RUNDC3B: variants seen among roughly 807,000 people sequenced by gnomAD.
RUNDC3B encodes the protein RUN domain-containing protein 3B.
A neutral mutation model predicts 58.4 loss-of-function variants in RUNDC3B; 33 were observed. The observed-to-expected ratio is 0.56, with a 90% CI of 0.43 to 0.75. RUNDC3B has a LOEUF of 0.75. RUNDC3B is among the 30% of genes least tolerant of loss of function. The pLI is 0.00. For synonymous variants in RUNDC3B, 193 were observed against 195.2 expected (o/e 0.99, Z 0.10); for missense variants, 501 against 535.7 (o/e 0.94, Z 0.64).
chr7:87,732,377 C>T (rs1010851481), intron 4 of RUNDC3B, among the ~76,000 whole-genome samples: 3 of 151,938 alleles, frequency 2.0e-5, no homozygotes, highest in Non-Finnish European at 2.9e-5. Flanking sequence ...AACCCAAAAT[C>T]AGTAAAGGAA....
At chr7:87,788,460 A>G (rs1022329058) in intron 8 of RUNDC3B, among the ~76,000 whole-genome samples, 6 of 152,206 alleles carry the variant, frequency 3.9e-5, no homozygotes, top group African/African-American at 1.4e-4. Flanking sequence ...ATTAGTAATA[A>G]TAGTATAATT....
intron 7 of RUNDC3B, among the ~76,000 whole-genome samples, chr7:87,771,812 AGTAAACAAATAAATTTG>A (rs879637477): frequency 6.6e-6 from 1 of 152,258 alleles, no homozygotes; most frequent in Non-Finnish European, 1.5e-5. Context: ...AAAATGGCAG[AGTAAACAAATAAATTTG>A]TAGAGAAAGC....
At chr7:87,731,629 C>T (rs753224023) in intron 4 of RUNDC3B, among the ~76,000 whole-genome samples, 5 of 152,034 alleles carry the variant, frequency 3.3e-5, no homozygotes, top group African/African-American at 7.2e-5. Context: ...GTATTTATAT[C>T]GGACAAAACA....
intron 1 of RUNDC3B, chr7:87,629,363 T>G (rs1285144191): frequency 1.9e-5 from 3 of 159,738 alleles, no homozygotes; most frequent in Non-Finnish European, 4.1e-5. Flanking sequence ...CATTTCGTTG[T>G]TTTGGCTTGT....
At chr7:87,645,747 A>G (rs989956463) in intron 1 of RUNDC3B, among the ~76,000 whole-genome samples, 2 of 152,182 alleles carry the variant, frequency 1.3e-5, no homozygotes, top group African/African-American at 4.8e-5. Context: ...TTACTGTGTT[A>G]TGAAGGACAG....
chr7:87,784,684 G>T (rs971833057), intron 8 of RUNDC3B, among the ~76,000 whole-genome samples: 7 of 150,998 alleles, frequency 4.6e-5, no homozygotes, highest in African/African-American at 1.5e-4. Flanking sequence ...TAGTGCTTTG[G>T]GGGAGGGAGA....
intron 2 of RUNDC3B, among the ~76,000 whole-genome samples, chr7:87,669,768 T>G (rs1825649426): frequency 6.6e-6 from 1 of 152,178 alleles, no homozygotes; most frequent in South Asian, 2.1e-4. Flanking sequence ...GGTTGAAGAT[T>G]TTTTTCTTTA....
At chr7:87,701,530 G>A (rs1829035306) in intron 3 of RUNDC3B, among the ~76,000 whole-genome samples, 1 of 152,142 alleles carries the variant, frequency 6.6e-6, no homozygotes, top group African/African-American at 2.4e-5. Context: ...TCAGTTCGTG[G>A]AATTACAAAA....
chr7:87,824,866 T>C (rs1837713124), intron 10 of RUNDC3B, among the ~76,000 whole-genome samples: 1 of 152,130 alleles, frequency 6.6e-6, no homozygotes. Context: ...AACTTTGAAC[T>C]TGAAAGAGAT....
chr7:87,726,339 T>G (rs1412322935), intron 4 of RUNDC3B, among the ~76,000 whole-genome samples: 5 of 152,218 alleles, frequency 3.3e-5, no homozygotes, highest in Non-Finnish European at 1.5e-5. Context: ...CACCATTTAT[T>G]AAATAGGGAA....
At chr7:87,648,753 T>C (rs1287291914) in intron 1 of RUNDC3B, among the ~76,000 whole-genome samples, 2 of 152,180 alleles carry the variant, frequency 1.3e-5, no homozygotes, top group African/African-American at 4.8e-5. Context: ...GACAAAAATT[T>C]ATAAAGGTCA....
At chr7:87,774,878 A>G (rs1344788774) in intron 7 of RUNDC3B, among the ~76,000 whole-genome samples, 1 of 152,192 alleles carries the variant, frequency 6.6e-6, no homozygotes, top group Non-Finnish European at 1.5e-5. Flanking sequence ...AACACAGTGC[A>G]TTACTCATGT....
At chr7:87,793,138 T>C (rs1194506118) in intron 8 of RUNDC3B, among the ~76,000 whole-genome samples, 3 of 152,084 alleles carry the variant, frequency 2.0e-5, no homozygotes, top group Non-Finnish European at 2.9e-5. Context: ...CCTACCATTA[T>C]TGAACCATGA....
intron 2 of RUNDC3B, chr7:87,694,076 A>G (rs1225387583): frequency 8.5e-6 from 13 of 1,523,792 alleles, no homozygotes; most frequent in Middle Eastern, 2.0e-4. Context: ...GGGTTTTGTA[A>G]AGCCTTCTTT....
intron 2 of RUNDC3B, chr7:87,693,768 T>G: frequency 1.5e-6 from 1 of 679,942 alleles, no homozygotes; most frequent in East Asian, 2.8e-5. Flanking sequence ...AGAGTTCATT[T>G]ATTTAGTAGG....
intron 6 of RUNDC3B, among the ~76,000 whole-genome samples, chr7:87,746,026 T>A (rs1252183513): frequency 2.0e-5 from 3 of 152,160 alleles, no homozygotes; most frequent in East Asian, 1.9e-4. Context: ...GTTTGAAAAA[T>A]TTTTTATTTC....
chr7:87,672,821 G>A (rs905108793), intron 2 of RUNDC3B, among the ~76,000 whole-genome samples: 5 of 152,120 alleles, frequency 3.3e-5, no homozygotes, highest in Non-Finnish European at 5.9e-5. Flanking sequence ...CTGGCTCTGC[G>A]TTACTCCTGG....
chr7:87,792,514 C>T (rs1274708197), intron 8 of RUNDC3B, among the ~76,000 whole-genome samples: 2 of 152,060 alleles, frequency 1.3e-5, no homozygotes, highest in Non-Finnish European at 2.9e-5. Flanking sequence ...TATCAAGCAT[C>T]TTCTCTAACC....
intron 8 of RUNDC3B, among the ~76,000 whole-genome samples, chr7:87,780,989 T>C (rs1190689010): frequency 6.6e-6 from 1 of 152,158 alleles, no homozygotes; most frequent in Non-Finnish European, 1.5e-5. Flanking sequence ...AATTTTAGAA[T>C]TTCTTTTCTA....
Sources: gnomAD v4.1 joint callset for allele counts (sites outside exome capture counted in the v4.1 genomes callset) on GRCh38, gnomAD v4.1.1 for gene constraint, MANE v1.5 for transcripts, NCBI Gene and HGNC (gene_info 2026-07-23, HGNC 2026-07-21) for gene names.